The following NXPH2 variants were observed in gnomAD, a reference collection of about 807,000 sequenced individuals.
NXPH2 encodes neurexophilin 2.
NXPH2 carries 5 observed loss-of-function variants against 19.8 expected under a neutral mutation model. The ratio of observed to expected loss-of-function variants is 0.25; its 90% CI spans 0.13 to 0.53. The LOEUF (loss-of-function observed/expected upper bound fraction) is 0.53, where lower values mean the gene tolerates loss of function less well. Ranked by LOEUF, NXPH2 falls within the 20% of genes least tolerant of loss-of-function variation. The pLI, the probability that NXPH2 is intolerant of heterozygous loss-of-function variation, is 0.96. For missense variants in NXPH2, 289 were observed against 322.8 expected (o/e 0.90, Z 0.80); for synonymous variants, 154 against 127.4 (o/e 1.21, Z -1.41).
chr2:138,710,223 C>T (rs865907136), intron 1 of NXPH2, among the ~76,000 whole-genome samples: 2 of 152,096 alleles, frequency 1.3e-5, no homozygotes, highest in South Asian at 2.1e-4. Flanking sequence ...TTTGTCCATG[C>T]CGTAAATATA....
chr2:138,702,270 C>A (rs1295330907), intron 1 of NXPH2, among the ~76,000 whole-genome samples: 4 of 152,086 alleles, frequency 2.6e-5, no homozygotes, highest in Non-Finnish European at 5.9e-5. Flanking sequence ...GCACACAGCA[C>A]CATCCCTAGC....
intron 1 of NXPH2, among the ~76,000 whole-genome samples, chr2:138,714,570 C>T (rs139936077): frequency 6.6e-6 from 1 of 152,026 alleles, no homozygotes; most frequent in African/African-American, 2.4e-5. Flanking sequence ...AGGAAGCAGG[C>T]AGACTGTGTT....
At chr2:138,684,706 T>A (rs533853201) in intron 1 of NXPH2, among the ~76,000 whole-genome samples, 1 of 152,184 alleles carries the variant, frequency 6.6e-6, no homozygotes, top group Non-Finnish European at 1.5e-5. Flanking sequence ...CAGAAGGAAC[T>A]GGGACTGTTC....
chr2:138,703,511 G>C (rs571565831), intron 1 of NXPH2, among the ~76,000 whole-genome samples: 1 of 152,284 alleles, frequency 6.6e-6, no homozygotes, highest in East Asian at 1.9e-4. Flanking sequence ...TATGCATCCT[G>C]GGGGTCATTA....
At chr2:138,734,887 A>G (rs774892991) in intron 1 of NXPH2, among the ~76,000 whole-genome samples, 1 of 152,326 alleles carries the variant, frequency 6.6e-6, no homozygotes, top group Non-Finnish European at 1.5e-5. Context: ...GCTCAGAAAC[A>G]TCTTGATAAA....
chr2:138,680,618 T>C (rs370651559), intron 1 of NXPH2, among the ~76,000 whole-genome samples: 2 of 152,126 alleles, frequency 1.3e-5, no homozygotes, highest in East Asian at 3.9e-4. Flanking sequence ...TATATATATA[T>C]ACATCTCGGT....
At chr2:138,765,087 C>CAAAGACAA in intron 1 of NXPH2, among the ~76,000 whole-genome samples, 1 of 152,270 alleles carries the variant, frequency 6.6e-6, no homozygotes, top group Admixed American at 6.5e-5. Flanking sequence ...ACTTCCAAGG[C>CAAAGACAA]AAAGACAAGC....
intron 1 of NXPH2, among the ~76,000 whole-genome samples, chr2:138,676,101 C>T (rs570393889): frequency 6.7e-4 from 102 of 152,158 alleles, no homozygotes; most frequent in African/African-American, 2.1e-3. Context: ...CAACCTCATC[C>T]GTTTATTACT....
At chr2:138,705,344 G>A (rs528478590) in intron 1 of NXPH2, among the ~76,000 whole-genome samples, 9 of 151,926 alleles carry the variant, frequency 5.9e-5, no homozygotes, top group African/African-American at 1.9e-4. Context: ...TTAAATATAC[G>A]TATATTTTAA....
chr2:138,777,480 A>G (rs1035082109), intron 1 of NXPH2, among the ~76,000 whole-genome samples: 8 of 152,144 alleles, frequency 5.3e-5, no homozygotes, highest in East Asian at 3.9e-4. Flanking sequence ...TTCCTAGCCT[A>G]CTTGCAGTAT....
chr2:138,778,628 T>C (rs1682302301), intron 1 of NXPH2, among the ~76,000 whole-genome samples: 1 of 152,224 alleles, frequency 6.6e-6, no homozygotes. Flanking sequence ...GTGAAGATAT[T>C]CTGAAGACCC....
intron 1 of NXPH2, among the ~76,000 whole-genome samples, chr2:138,763,234 G>A (rs1172828959): frequency 6.6e-6 from 1 of 152,072 alleles, no homozygotes; most frequent in Non-Finnish European, 1.5e-5. Context: ...ATCAATGGAG[G>A]AAAGCACTAA....
chr2:138,763,278 A>T (rs908369570), intron 1 of NXPH2, among the ~76,000 whole-genome samples: 5 of 152,206 alleles, frequency 3.3e-5, no homozygotes, highest in African/African-American at 1.2e-4. Flanking sequence ...AGAAATTTTG[A>T]TCATAAATTT....
chr2:138,774,428 T>A (rs190981006), intron 1 of NXPH2, among the ~76,000 whole-genome samples: 1 of 152,314 alleles, frequency 6.6e-6, no homozygotes, highest in East Asian at 1.9e-4. Flanking sequence ...GTTAACAGCA[T>A]AAAATACATG....
At chr2:138,717,622 G>T (rs149452814) in intron 1 of NXPH2, among the ~76,000 whole-genome samples, 17 of 152,078 alleles carry the variant, frequency 1.1e-4, no homozygotes, top group Admixed American at 1.0e-3. Flanking sequence ...TTGGGAGTTA[G>T]AATTTCAATG....
At chr2:138,735,312 G>A (rs1233468948) in intron 1 of NXPH2, among the ~76,000 whole-genome samples, 6 of 152,128 alleles carry the variant, frequency 3.9e-5, no homozygotes, top group Non-Finnish European at 7.4e-5. Flanking sequence ...AGAAAAAGAG[G>A]TTTAATGGAC....
chr2:138,750,108 G>A (rs1339129811), intron 1 of NXPH2, among the ~76,000 whole-genome samples: 1 of 152,064 alleles, frequency 6.6e-6, no homozygotes, highest in Non-Finnish European at 1.5e-5. Flanking sequence ...TGATGTTCAG[G>A]GTGACAGGAG....
intron 1 of NXPH2, among the ~76,000 whole-genome samples, chr2:138,728,909 G>A (rs1558923681): frequency 6.6e-6 from 1 of 152,138 alleles, no homozygotes; most frequent in Non-Finnish European, 1.5e-5. Flanking sequence ...GTTTTGCTAA[G>A]GGCTTACACT....
intron 1 of NXPH2, among the ~76,000 whole-genome samples, chr2:138,701,231 C>T (rs1238247541): frequency 1.3e-5 from 2 of 151,986 alleles, no homozygotes; most frequent in Admixed American, 1.3e-4. Context: ...CCTTGTTTTA[C>T]GATAAAGGTC....
Sources: gnomAD v4.1 joint callset for allele counts (sites outside exome capture counted in the v4.1 genomes callset) on GRCh38, gnomAD v4.1.1 for gene constraint, MANE v1.5 for transcripts, NCBI Gene and HGNC (gene_info 2026-07-23, HGNC 2026-07-21) for gene names.